Variants in SH3D19 observed in about 807,000 individuals in gnomAD.
SH3D19 encodes the protein SH3 domain-containing protein 19.
SH3D19 carries 58 observed loss-of-function variants against 112.1 expected under a neutral mutation model. The ratio of observed to expected loss-of-function variants is 0.52; its 90% CI spans 0.42 to 0.64. The LOEUF (loss-of-function observed/expected upper bound fraction) is 0.64, where lower values mean the gene tolerates loss of function less well. Ranked by LOEUF, SH3D19 falls within the 30% of genes least tolerant of loss-of-function variation. The pLI, the probability that SH3D19 is intolerant of heterozygous loss-of-function variation, is 0.00. For synonymous variants in SH3D19, 391 were observed against 448.5 expected (o/e 0.87, Z 1.62); for missense variants, 1,090 against 1,263.4 (o/e 0.86, Z 2.08).
At chr4:151,196,837 T>C (rs1380238316) in intron 2 of SH3D19, among the ~76,000 whole-genome samples, 2 of 152,148 alleles carry the variant, frequency 1.3e-5, no homozygotes, top group African/African-American at 4.8e-5. Flanking sequence ...GCTAAGGGCA[T>C]GAATAGACAA....
intron 2 of SH3D19, among the ~76,000 whole-genome samples, chr4:151,199,937 C>A (rs566326935): frequency 6.6e-6 from 1 of 152,164 alleles, no homozygotes; most frequent in Non-Finnish European, 1.5e-5. Flanking sequence ...GGAGATGTGA[C>A]CTTTGGGAAG....
At chr4:151,150,250 T>TATATATACATATATATAC (rs1561235300) in intron 9 of SH3D19, among the ~76,000 whole-genome samples, 2 of 107,160 alleles carry the variant, frequency 1.9e-5, no homozygotes, top group Admixed American at 1.3e-4. Context: ...TATATATATA[T>TATATATACATATATATAC]ACACACATAT....
At chr4:151,242,337 T>C (rs7671332) in intron 1 of SH3D19, among the ~76,000 whole-genome samples, 15,243 of 152,226 alleles carry the variant, frequency 0.1, 1,509 homozygotes, top group African/African-American at 0.25. Context: ...TAGACCTGTG[T>C]TTATTGACTT....
At chr4:151,185,496 G>A (rs1761642765) in intron 3 of SH3D19, among the ~76,000 whole-genome samples, 1 of 151,972 alleles carries the variant, frequency 6.6e-6, no homozygotes. Context: ...TCCTAATTTT[G>A]TATTTAAATT....
chr4:151,248,456 T>A (rs907849710), intron 1 of SH3D19, among the ~76,000 whole-genome samples: 1 of 152,198 alleles, frequency 6.6e-6, no homozygotes, highest in Non-Finnish European at 1.5e-5. Flanking sequence ...GAAGCATTAG[T>A]GTTATTTGAT....
chr4:151,264,594 C>A (rs1421835542), intron 1 of SH3D19, among the ~76,000 whole-genome samples: 1 of 151,972 alleles, frequency 6.6e-6, no homozygotes, highest in East Asian at 1.9e-4. Flanking sequence ...CAGGAAGAGT[C>A]TGGAATGAGA....
chr4:151,200,920 A>T (rs185066144), intron 2 of SH3D19, among the ~76,000 whole-genome samples: 70 of 152,354 alleles, frequency 4.6e-4, no homozygotes, highest in African/African-American at 1.6e-3. Context: ...TTCATATTGG[A>T]ATTACGCTCA....
At chr4:151,285,053 A>G (rs965060837) in intron 1 of SH3D19, among the ~76,000 whole-genome samples, 1 of 152,136 alleles carries the variant, frequency 6.6e-6, no homozygotes, top group Admixed American at 6.5e-5. Context: ...ACCAGCCACT[A>G]TGCATGATAA....
chr4:151,300,628 TG>T (rs1266127196), intron 1 of SH3D19: 1 of 151,674 alleles, frequency 6.6e-6, no homozygotes, highest in Non-Finnish European at 1.5e-5. Flanking sequence ...TTAAGGTGTA[TG>T]GCCATGTTAA....
intron 1 of SH3D19, among the ~76,000 whole-genome samples, chr4:151,286,643 A>G (rs1315270206): frequency 1.3e-5 from 2 of 151,518 alleles, no homozygotes; most frequent in Admixed American, 1.3e-4. Flanking sequence ...GACCAGGTCC[A>G]GATAGAATTC....
At chr4:151,322,649 A>G (rs1172594501) in intron 1 of SH3D19, among the ~76,000 whole-genome samples, 1 of 152,200 alleles carries the variant, frequency 6.6e-6, no homozygotes, top group African/African-American at 2.4e-5. Flanking sequence ...GTAAAATAAA[A>G]CTGTGATTAA....
chr4:151,226,982 A>G (rs1019016255), intron 1 of SH3D19, among the ~76,000 whole-genome samples: 1 of 152,202 alleles, frequency 6.6e-6, no homozygotes, highest in Non-Finnish European at 1.5e-5. Context: ...AAATAAATGA[A>G]GTAAAAGGCC....
At chr4:151,323,457 T>C (rs183710182) in intron 1 of SH3D19, among the ~76,000 whole-genome samples, 272 of 152,264 alleles carry the variant, frequency 1.8e-3, no homozygotes, top group Non-Finnish European at 3.0e-3. Flanking sequence ...CTGAAAAACA[T>C]GTTAACTAAT....
intron 2 of SH3D19, among the ~76,000 whole-genome samples, chr4:151,191,620 T>C (rs1293448942): frequency 6.6e-6 from 1 of 152,132 alleles, no homozygotes; most frequent in Non-Finnish European, 1.5e-5. Context: ...TGGGGCAGCA[T>C]GACTGTCAGA....
chr4:151,194,016 ATTTTTTTTT>A (rs201719037), intron 2 of SH3D19, among the ~76,000 whole-genome samples: 10 of 111,896 alleles, frequency 8.9e-5, no homozygotes, highest in African/African-American at 3.1e-4. Flanking sequence ...AGTAGGATTA[ATTTTTTTTT>A]TTTTTTTTTT....
At chr4:151,238,204 C>T (rs1163112169) in intron 1 of SH3D19, among the ~76,000 whole-genome samples, 1 of 151,992 alleles carries the variant, frequency 6.6e-6, no homozygotes, top group African/African-American at 2.4e-5. Flanking sequence ...AGAAGAGTCC[C>T]CAAATGAATT....
chr4:151,278,162 T>C (rs1351349329), intron 1 of SH3D19, among the ~76,000 whole-genome samples: 1 of 152,210 alleles, frequency 6.6e-6, no homozygotes, highest in African/African-American at 2.4e-5. Flanking sequence ...AGTAAACAGC[T>C]TGCAACCTCA....
At chr4:151,144,422 C>T (rs544129599) in intron 11 of SH3D19, 103 of 729,960 alleles carry the variant, frequency 1.4e-4, no homozygotes, top group South Asian at 5.1e-4. Flanking sequence ...GGCTTCATCG[C>T]GCTCTAGATC....
At chr4:151,289,958 A>T (rs1775161980) in intron 1 of SH3D19, among the ~76,000 whole-genome samples, 1 of 152,150 alleles carries the variant, frequency 6.6e-6, no homozygotes, top group Non-Finnish European at 1.5e-5. Context: ...TCACAGCAGC[A>T]TGATTATTAT....
Sources: gnomAD v4.1 joint callset for allele counts (sites outside exome capture counted in the v4.1 genomes callset) on GRCh38, gnomAD v4.1.1 for gene constraint, MANE v1.5 for transcripts, NCBI Gene and HGNC (gene_info 2026-07-23, HGNC 2026-07-21) for gene names.